Variants in DRICH1 observed in about 807,000 individuals in gnomAD.
DRICH1 encodes aspartate-rich protein 1.
DRICH1 carries 38 observed loss-of-function variants against 39.5 expected under a neutral mutation model. The ratio of observed to expected loss-of-function variants is 0.96; its 90% CI spans 0.74 to 1.26. The LOEUF is 1.26. Ranked by LOEUF, DRICH1 falls within the 50% of genes most tolerant of loss-of-function variation. The pLI, the probability that DRICH1 is intolerant of heterozygous loss-of-function variation, is 0.00. For synonymous variants in DRICH1, 84 were observed against 99.5 expected, an observed-to-expected ratio of 0.84 and a Z score of 0.93; for missense variants, 279 against 270.4, an observed-to-expected ratio of 1.03 and a Z score of -0.22.
intron 11 of DRICH1, among the ~76,000 whole-genome samples, chr22:23,611,070 A>G (rs959800744): frequency 6.6e-6 from 1 of 151,996 alleles, no homozygotes; most frequent in Non-Finnish European, 1.5e-5. Flanking sequence ...AGCAAGACCA[A>G]TTTCTGACCC....
At chr22:23,605,793 C>A (rs1034337034), downstream of DRICH1, among the ~76,000 whole-genome samples, 1 of 151,966 alleles carries the variant, frequency 6.6e-6, no homozygotes, top group Non-Finnish European at 1.5e-5. Context: ...AAAATTAGGC[C>A]GGGCACAGGT....
At chr22:23,584,054 T>C in the DRICH1 span, among the ~76,000 whole-genome samples, 1 of 152,214 alleles carries the variant, frequency 6.6e-6, no homozygotes, top group African/African-American at 2.4e-5. Flanking sequence ...AGACCACATC[T>C]TTCTGTGGCG....
chr22:23,601,747 C>CA, the DRICH1 span, among the ~76,000 whole-genome samples: 612 of 152,324 alleles, frequency 4.0e-3, 2 homozygotes, highest in African/African-American at 0.014. Flanking sequence ...CTCACAACTG[C>CA]ATGAGAAGCT....
the DRICH1 span, among the ~76,000 whole-genome samples, chr22:23,598,845 A>T: frequency 5.1e-4 from 78 of 152,160 alleles, no homozygotes; most frequent in Non-Finnish European, 9.6e-4. Context: ...TGCTCCATAC[A>T]GGTGTGCTCC....
the DRICH1 span, among the ~76,000 whole-genome samples, chr22:23,598,464 C>T: frequency 0.023 from 3,447 of 148,650 alleles, 82 homozygotes; most frequent in African/African-American, 0.082. Flanking sequence ...CTGAGGCCCA[C>T]TGAAGGGAGT....
chr22:23,594,148 G>A, the DRICH1 span, among the ~76,000 whole-genome samples: 52 of 152,238 alleles, frequency 3.4e-4, 1 homozygote, highest in African/African-American at 1.2e-3. Context: ...GGAGAAAGAC[G>A]TGAAACTACA....
chr22:23,626,558 G>A (rs1230737381), intron 1 of DRICH1, among the ~76,000 whole-genome samples: 1 of 152,202 alleles, frequency 6.6e-6, no homozygotes, highest in African/African-American at 2.4e-5. Flanking sequence ...TCCTCCTAGA[G>A]TATCATTCTC....
chr22:23,609,588 G>A (rs953514874), intron 11 of DRICH1, among the ~76,000 whole-genome samples: 1 of 152,104 alleles, frequency 6.6e-6, no homozygotes, highest in Admixed American at 6.5e-5. Context: ...GGTGTCAGCA[G>A]GGAGCCCTGG....
the DRICH1 span, among the ~76,000 whole-genome samples, chr22:23,597,497 T>C: frequency 7.9e-5 from 7 of 88,464 alleles, no homozygotes; most frequent in African/African-American, 3.6e-4. Context: ...AAGGAGACCC[T>C]GTCTCAAAAA....
rs1165734248 is a variant in DRICH1, at chr22:23,617,579, G to A, written c.515C>T (p.Ala172Val). 1.1e-5 allele frequency: 17 copies of A among 1,610,080 alleles called. No individual in the cohort carries two copies. The highest frequency in any genetic ancestry group is 1.4e-5 in the Non-Finnish European group (16 of 1,176,930). The change falls in exon 7 of 12, where the codon GCC (alanine) becomes GTC (valine). Residue 172 changes from alanine to valine, a missense_variant. Ala to Val is a moderately conservative substitution (Grantham distance 64, BLOSUM62 0). Transcript: ENST00000317749. ...DDDCDDDDDD[A>V]QILPSPVQAC... ...GACAAAGAAAGGTTGTCTTACCTGG[G>A]CATCATCATCATCATCATCACAGTC...
At chr22:23,601,755 G>A in the DRICH1 span, among the ~76,000 whole-genome samples, 1 of 152,224 alleles carries the variant, frequency 6.6e-6, no homozygotes, top group African/African-American at 2.4e-5. Flanking sequence ...TGCATGAGAA[G>A]CTGCAATTAT....
intron 5 of DRICH1, 69 bp downstream of exon 5, chr22:23,620,521 CCAGA>C: frequency 6.6e-7 from 1 of 1,519,342 alleles, no homozygotes; most frequent in Non-Finnish European, 9.1e-7. Flanking sequence ...TAACAGGAAC[CCAGA>C]TTAAGGTTCC....
At chr22:23,611,376 G>C (rs994146788) in intron 11 of DRICH1, among the ~76,000 whole-genome samples, 23 of 149,924 alleles carry the variant, frequency 1.5e-4, no homozygotes, top group African/African-American at 5.4e-4. Flanking sequence ...ATTTATGGCT[G>C]TTCTTATTTT....
chr22:23,609,518 TCCCTCACTCC>T (rs1926918184), intron 11 of DRICH1, among the ~76,000 whole-genome samples: 1 of 152,062 alleles, frequency 6.6e-6, no homozygotes, highest in Non-Finnish European at 1.5e-5. Context: ...GAGAAGCTGC[TCCCTCACTCC>T]ACAGCAGTCT....
intron 8 of DRICH1, among the ~76,000 whole-genome samples, chr22:23,615,490 T>C (rs1927303168): frequency 6.6e-6 from 1 of 152,154 alleles, no homozygotes; most frequent in African/African-American, 2.4e-5. Flanking sequence ...GCTGTCAACA[T>C]GAAGATCCTC....
At position 23,612,649 on chromosome 22, in the gene DRICH1, G is replaced by C. The variant is rs566376288; in HGVS notation, c.685+640C>G. 3.2e-4 allele frequency among the ~76,000 whole-genome samples: 48 copies of C among 152,210 alleles called. 1 individual carries two copies. In the South Asian group the frequency reaches 9.3e-3, roughly 30 times the overall value. On this transcript the variant is annotated intron_variant, in intron 11 of 11. Transcript: ENST00000317749. The stretch of plus-strand genomic sequence containing the variant: ...AGAAAGAAGCCACATCTCAGAATCT[G>C]TGATTGGGTTGGGCAGTGGAGGCTG...
intron 2 of DRICH1, 22 bp from the exon 3 acceptor site, chr22:23,624,926 T>A: frequency 6.2e-7 from 1 of 1,612,760 alleles, no homozygotes; most frequent in South Asian, 1.1e-5. Context: ...CAAAAGAAGA[T>A]GCTATGAGGA....
the DRICH1 span, among the ~76,000 whole-genome samples, chr22:23,593,633 T>C: frequency 6.6e-6 from 1 of 152,126 alleles, no homozygotes; most frequent in Non-Finnish European, 1.5e-5. Context: ...ACCCCATCTC[T>C]ACTAAGAATA....
At chr22:23,596,164 T>C in the DRICH1 span, among the ~76,000 whole-genome samples, 16,979 of 152,098 alleles carry the variant, frequency 0.11, 1,016 homozygotes, top group Middle Eastern at 0.15. Flanking sequence ...CTCCTTTCTG[T>C]CTCTTCTGAG....
Sources: gnomAD v4.1 joint callset for allele counts (sites outside exome capture counted in the v4.1 genomes callset) on GRCh38, gnomAD v4.1.1 for gene constraint, MANE v1.5 for transcripts, NCBI Gene and HGNC (gene_info 2026-07-23, HGNC 2026-07-21) for gene names.